SMAD7: variants seen among roughly 807,000 people sequenced by gnomAD.
SMAD7 encodes the protein MAD (mothers against decapentaplegic, Drosophila) homolog 7.
SMAD7 carries 8 observed loss-of-function variants against 38.7 expected under a neutral mutation model. The ratio of observed to expected loss-of-function variants is 0.21; its 90% CI spans 0.12 to 0.37. SMAD7 has a LOEUF of 0.37. Among genes scored for constraint, SMAD7 ranks in the 10% least tolerant of loss-of-function variants. The pLI is 1.00. For synonymous variants in SMAD7, 327 were observed against 265.1 expected (o/e 1.23, Z -2.27); for missense variants, 477 against 577.9 (o/e 0.83, Z 1.79).
chr18:48,949,210 G>A (rs535785270), intron 1 of SMAD7: 1 of 853,180 alleles, frequency 1.2e-6, no homozygotes, highest in South Asian at 5.3e-5. Context: ...GGCTGGCAGA[G>A]TTGAAAGGAG....
chr18:48,942,616 T>C, intron 2 of SMAD7, 61 bp from the exon 3 acceptor site: 1 of 1,611,132 alleles, frequency 6.2e-7, no homozygotes, highest in Non-Finnish European at 8.5e-7. Context: ...CCAAGATCCA[T>C]CTTTAAGCAC....
intron 3 of SMAD7, among the ~76,000 whole-genome samples, chr18:48,941,276 A>G (rs1388018034): frequency 6.6e-6 from 1 of 152,090 alleles, no homozygotes; most frequent in Non-Finnish European, 1.5e-5. Context: ...TTCCTGCTCA[A>G]TTCTCATTAG....
chr18:48,949,478 A>C (rs2070235201), intron 1 of SMAD7: 3 of 172,980 alleles, frequency 1.7e-5, no homozygotes, highest in Non-Finnish European at 1.2e-5. Flanking sequence ...CTCCCTCTGC[A>C]CCCCCTTGTT....
Position 48,929,567 on chromosome 18 carries a change from T to TCA in SMAD7, c.743-7658_743-7657insTG, listed in dbSNP as rs112497008. 2.0e-3 allele frequency among the ~76,000 whole-genome samples: 124 copies of TCA among 61,780 alleles called. 2 individuals carry two copies. The highest frequency in any genetic ancestry group is 0.018 in the Middle Eastern group (2 of 110). 40.5% of individuals were successfully genotyped at this position (61,780 alleles called of 152,430 possible). A position where few individuals can be genotyped will look rare whatever the true frequency, so the allele number is the denominator to read the frequency against. The stretch of plus-strand genomic sequence containing the variant: ...TTCTCTCTTTCTCTCTCTCTCTCTC[T>TCA]CTCACTCACACACACACACACACAC... On this transcript the variant is annotated intron_variant, in intron 3 of 3. Coordinates refer to ENST00000262158, the MANE Select transcript of SMAD7 (RefSeq NM_005904.4).
Position 48,949,809 on chromosome 18 carries a change from C to T in SMAD7, c.613+3G>A, listed in dbSNP as rs760942149. 1.1e-5 allele frequency: 17 copies of T among 1,603,830 alleles called. No homozygotes were observed. The East Asian group carries it at 1.1e-4, about 11-fold the overall frequency. Reference sequence around the variant, plus strand: ...TGTTGGGGGTAGGGGGACAACTTCTCACCTAGTTCGCAGAGTCGGCTAAGG... The same window carrying T: ...TGTTGGGGGTAGGGGGACAACTTCTTACCTAGTTCGCAGAGTCGGCTAAGG... On this transcript the variant is annotated splice_donor_region_variant and intron_variant, in intron 1 of 3. Coordinates refer to ENST00000262158, the MANE Select transcript of SMAD7 (RefSeq NM_005904.4).
rs142012691 is a variant in SMAD7 at position 48,944,273 on chromosome 18, C to T, written c.668-1718G>A. Among the ~76,000 whole-genome samples the T allele has an allele frequency of 1.9e-3, 285 of 152,316 alleles. 1 individual carries two copies. The highest frequency in any genetic ancestry group is 6.8e-3 in the Middle Eastern group (2 of 294). ...TAATGACTTATCCACAGCCACTCCC[C>T]GCCACCTTTGGCTGGCAGAATCCCA... is the stretch of plus-strand genomic sequence containing the variant. On this transcript the variant is annotated intron_variant, in intron 2 of 3. Transcript: ENST00000262158.
chr18:48,949,099 G>A (rs1453036414), intron 1 of SMAD7: 1 of 157,786 alleles, frequency 6.3e-6, no homozygotes, highest in African/African-American at 2.4e-5. Flanking sequence ...ACGTCACTGA[G>A]GCGCCGGGGC....
chr18:48,928,010 T>G lies in SMAD7; in HGVS notation c.743-6100A>C, dbSNP rs571999002. Among the ~76,000 whole-genome samples the G allele has an allele frequency of 5.3e-5, 8 of 152,330 alleles. No individual in the cohort carries two copies. The East Asian group carries it at 1.2e-3, about 22-fold the overall frequency. The stretch of plus-strand genomic sequence containing the variant: ...AGGCCTCTAAAGCCACCAAGCCCAC[T>G]GTTCCTCTCCAAAGTGTCCTTCAGA... On this transcript the variant is annotated intron_variant, in intron 3 of 3. Transcript: ENST00000262158.
At chr18:48,938,914 T>C (rs946315081) in intron 3 of SMAD7, among the ~76,000 whole-genome samples, 1 of 152,126 alleles carries the variant, frequency 6.6e-6, no homozygotes, top group South Asian at 2.1e-4. Context: ...TGGAGTTGCA[T>C]GCCTTTCAAA....
Position 48,942,393 on chromosome 18 carries a change from G to T in SMAD7, c.742+88C>A, listed in dbSNP as rs2070150773. 9 of 825,976 alleles carry T rather than the reference G, an allele frequency of 1.1e-5. No homozygotes were observed. In the Middle Eastern group the frequency reaches 1.5e-3, roughly 133 times the overall value. 51.2% of individuals were successfully genotyped at this position (825,976 alleles called of 1,614,324 possible). A position where few individuals can be genotyped will look rare whatever the true frequency, so the allele number is the denominator to read the frequency against. The stretch of plus-strand genomic sequence containing the variant: ...TGAGAATGAAGTCCAGACCAGCTGG[G>T]GTGGCAGAAGGCCACCCCCATTCCT... On this transcript the variant is annotated intron_variant, in intron 3 of 3. Coordinates refer to ENST00000262158, the MANE Select transcript of SMAD7 (RefSeq NM_005904.4).
chr18:48,933,772 G>A (rs2070031177), intron 3 of SMAD7: 1 of 152,296 alleles, frequency 6.6e-6, no homozygotes, highest in South Asian at 2.1e-4. Flanking sequence ...AACCTCTGTG[G>A]GCACACCACC....
intron 2 of SMAD7, among the ~76,000 whole-genome samples, chr18:48,947,176 A>T (rs755173830): frequency 2.4e-4 from 36 of 152,326 alleles, no homozygotes; most frequent in Non-Finnish European, 4.6e-4. Flanking sequence ...TGTTTTGTAA[A>T]TCGAAAGCAA....
chr18:48,936,256 C>T (rs932044927), intron 3 of SMAD7, among the ~76,000 whole-genome samples: 1 of 152,192 alleles, frequency 6.6e-6, no homozygotes, highest in Non-Finnish European at 1.5e-5. Context: ...ACAGAAGTCT[C>T]TCCAATTTTA....
At chr18:48,942,834 TC>T (rs1254886116) in intron 2 of SMAD7, 15 of 1,230,976 alleles carry the variant, frequency 1.2e-5, no homozygotes, top group Non-Finnish European at 1.4e-5. Flanking sequence ...GCATTACCAG[TC>T]CCCCATTACG....
chr18:48,932,177 C>T (rs1429406209), intron 3 of SMAD7, among the ~76,000 whole-genome samples: 1 of 152,172 alleles, frequency 6.6e-6, no homozygotes, highest in Non-Finnish European at 1.5e-5. Flanking sequence ...AGGCCCAGCT[C>T]TTGATGATCC....
intron 2 of SMAD7, among the ~76,000 whole-genome samples, chr18:48,946,994 C>T (rs1197158086): frequency 6.6e-6 from 1 of 152,114 alleles, no homozygotes; most frequent in African/African-American, 2.4e-5. Context: ...ACAAAAAAAA[C>T]AGGTCAGAGG....
chr18:48,950,231 G>T lies in SMAD7; in HGVS notation c.194C>A (p.Ala65Glu). 2.0e-6 allele frequency: 3 copies of T among 1,504,368 alleles called. No individual in the cohort carries two copies. The highest frequency in any genetic ancestry group is 2.5e-5 in the South Asian group (2 of 80,408). The allele number at this position is 1,504,368 out of a possible 1,614,324, so 93.2% of individuals were successfully genotyped here. A position where few individuals can be genotyped will look rare whatever the true frequency, so the allele number is the denominator to read the frequency against. ...PGRAGCCLGK[A>E]VRGAKGHHHP... ...GTGGTGACCTTTGGCACCTCGCACCGCCTTGCCCAGGCAGCATCCAGCCCT... is the reference window on the plus strand; with the variant it reads ...GTGGTGACCTTTGGCACCTCGCACCTCCTTGCCCAGGCAGCATCCAGCCCT... Residue 65 changes from alanine to glutamate, a missense_variant, in exon 1 of 4, where the codon GCG becomes GAG. Transcript: ENST00000262158.
At chr18:48,924,303 C>G (rs1037364777) in intron 3 of SMAD7, among the ~76,000 whole-genome samples, 1 of 152,086 alleles carries the variant, frequency 6.6e-6, no homozygotes, top group South Asian at 2.1e-4. Flanking sequence ...TGGCACCGGC[C>G]AACAGGAGGA....
At chr18:48,927,913 GCACAAGT>G (rs1196484761) in intron 3 of SMAD7, among the ~76,000 whole-genome samples, 3 of 152,202 alleles carry the variant, frequency 2.0e-5, no homozygotes, top group African/African-American at 7.2e-5. Context: ...TAGGGGTGAG[GCACAAGT>G]CACTGGCCGA....
Sources: allele counts gnomAD v4.1 joint callset (sites outside exome capture counted in the v4.1 genomes callset), GRCh38; gene constraint gnomAD v4.1.1; transcripts MANE v1.5; gene names NCBI Gene and HGNC (gene_info 2026-07-23, HGNC 2026-07-21).